The following PRKG1 variants were observed in gnomAD, a reference collection of about 807,000 sequenced individuals.
PRKG1 encodes the protein protein kinase cGMP-dependent 1, also known as cGMP-dependent protein kinase 1.
In PRKG1, 35 loss-of-function variants were observed where a neutral mutation model predicts 88.1. The ratio of observed to expected loss-of-function variants is 0.40; its 90% CI spans 0.30 to 0.53. The LOEUF (loss-of-function observed/expected upper bound fraction) is 0.53, where lower values mean the gene tolerates loss of function less well. PRKG1 is among the 20% of genes least tolerant of loss of function. The pLI is 0.59. For missense variants in PRKG1, 540 were observed against 839.8 expected (o/e 0.64, Z 4.41); for synonymous variants, 303 against 292.5 (o/e 1.04, Z -0.37).
At chr10:51,737,265 T>A (rs1340910155) in intron 3 of PRKG1, among the ~76,000 whole-genome samples, 1 of 152,202 alleles carries the variant, frequency 6.6e-6, no homozygotes. Flanking sequence ...TAGCTACTGC[T>A]TCACATGCCC....
chr10:52,147,106 C>T (rs79494318), intron 8 of PRKG1, among the ~76,000 whole-genome samples: 2,551 of 152,244 alleles, frequency 0.017, 64 homozygotes, highest in African/African-American at 0.057. Context: ...ATAAACAAAT[C>T]TGAGACTTCA....
At chr10:51,165,285 A>G (rs1014635450) in intron 2 of PRKG1, among the ~76,000 whole-genome samples, 7 of 151,962 alleles carry the variant, frequency 4.6e-5, no homozygotes, top group African/African-American at 1.2e-4. Context: ...AGAATTTCAT[A>G]TCCAGCCAAA....
At chr10:52,090,409 A>C (rs893152743) in intron 7 of PRKG1, among the ~76,000 whole-genome samples, 17 of 152,108 alleles carry the variant, frequency 1.1e-4, no homozygotes, top group Non-Finnish European at 2.1e-4. Flanking sequence ...TACAGATACA[A>C]GTAATTTATT....
chr10:52,195,117 T>C (rs1839469562), intron 9 of PRKG1, among the ~76,000 whole-genome samples: 3 of 152,214 alleles, frequency 2.0e-5, no homozygotes, highest in Admixed American at 2.0e-4. Flanking sequence ...AACTAGTGTT[T>C]TTGGCATAAC....
At chr10:51,143,719 C>T (rs76631126) in intron 1 of PRKG1, among the ~76,000 whole-genome samples, 3,560 of 152,074 alleles carry the variant, frequency 0.023, 69 homozygotes, top group Middle Eastern at 0.054. Context: ...CCTGAAGATG[C>T]GTGACACTGA....
rs181328789 is a variant in PRKG1, at chr10:51,081,110, T to C, written c.311+6209T>C. Among the ~76,000 whole-genome samples, 64 of 152,352 alleles carry C rather than the reference T, an allele frequency of 4.2e-4. No individual in the cohort carries two copies. The East Asian group carries it at 9.6e-3, about 23-fold the overall frequency. On this transcript the variant is annotated intron_variant, in intron 1 of 17. Transcript: ENST00000373980. Reference sequence around the variant, plus strand: ...CTTTTTTCATTGCTTATAAAATTCATATAAGCATTCCTTCTGGAGGCTCTA... The same window carrying C: ...CTTTTTTCATTGCTTATAAAATTCACATAAGCATTCCTTCTGGAGGCTCTA...
chr10:51,967,031 AC>A (rs1390547807), intron 5 of PRKG1, among the ~76,000 whole-genome samples: 1 of 152,136 alleles, frequency 6.6e-6, no homozygotes, highest in Non-Finnish European at 1.5e-5. Context: ...AACTAGAAAT[AC>A]CATTTGACCC....
rs956832366 is a variant in PRKG1, at chr10:52,295,571, A to G, written c.*1671A>G. On this transcript the variant is annotated 3_prime_UTR_variant, in exon 18 of 18. Transcript: ENST00000373980. ...TTACATTATACCTGTGAAGAAAAAT[A>G]TAGAAGCTTTCAAGCTGTCATTCTG... The G allele has an allele frequency of 6.6e-6, 1 of 151,996 alleles. No individual in the cohort carries two copies. Among genetic ancestry groups the G allele is most frequent in the African/African-American group, 2.4e-5 (1 of 41,448 alleles). 9.4% of individuals were successfully genotyped at this position (151,996 alleles called of 1,614,324 possible).
chr10:51,701,923 A>G (rs1340432181), intron 3 of PRKG1, among the ~76,000 whole-genome samples: 1 of 152,144 alleles, frequency 6.6e-6, no homozygotes, highest in Non-Finnish European at 1.5e-5. Context: ...GAGAATTTGC[A>G]TTTCTAATAA....
chr10:51,925,228 A>G (rs1320591556), intron 5 of PRKG1, among the ~76,000 whole-genome samples: 1 of 151,568 alleles, frequency 6.6e-6, no homozygotes, highest in Non-Finnish European at 1.5e-5. Context: ...GCAAGAAGTT[A>G]GTCTGTGTTT....
intron 9 of PRKG1, among the ~76,000 whole-genome samples, chr10:52,233,408 T>G (rs1421764717): frequency 6.7e-6 from 1 of 149,958 alleles, no homozygotes. Flanking sequence ...GGTACCGGGT[T>G]CATCTCACTA....
intron 7 of PRKG1, among the ~76,000 whole-genome samples, chr10:52,117,962 A>C (rs1446397600): frequency 6.6e-6 from 1 of 151,894 alleles, no homozygotes; most frequent in Non-Finnish European, 1.5e-5. Context: ...CAAAAAATGT[A>C]TTTTAATCAA....
chr10:51,766,539 A>C (rs764797174), intron 3 of PRKG1, among the ~76,000 whole-genome samples: 2 of 152,040 alleles, frequency 1.3e-5, no homozygotes, highest in Non-Finnish European at 2.9e-5. Context: ...TTAATTTTTC[A>C]GGCTGTTTTT....
chr10:52,289,985 T>C (rs1842203640), intron 16 of PRKG1, among the ~76,000 whole-genome samples: 3 of 152,192 alleles, frequency 2.0e-5, no homozygotes, highest in Admixed American at 2.0e-4. Context: ...TATGACTGAA[T>C]TACAAGGAAT....
At chr10:51,198,128 A>G (rs1837818626) in intron 2 of PRKG1, among the ~76,000 whole-genome samples, 1 of 152,164 alleles carries the variant, frequency 6.6e-6, no homozygotes. Context: ...GCAAGTCAGT[A>G]GTCACAGTTT....
At chr10:51,994,020 A>G (rs1480870225) in intron 5 of PRKG1, among the ~76,000 whole-genome samples, 1 of 152,076 alleles carries the variant, frequency 6.6e-6, no homozygotes, top group Non-Finnish European at 1.5e-5. Context: ...TAATGCACTG[A>G]ACTATGTTCT....
chr10:52,047,973 A>G (rs1410251478), intron 5 of PRKG1, among the ~76,000 whole-genome samples: 1 of 152,144 alleles, frequency 6.6e-6, no homozygotes, highest in Non-Finnish European at 1.5e-5. Context: ...TTTATTAGTC[A>G]TGCTTTAGTT....
chr10:51,063,562 C>T (rs1345997508), intron 1 of PRKG1, among the ~76,000 whole-genome samples: 2 of 152,140 alleles, frequency 1.3e-5, no homozygotes, highest in Non-Finnish European at 2.9e-5. Flanking sequence ...TAGAATCTTA[C>T]AAGACCACTG....
At chr10:51,176,654 G>A (rs1221894272) in intron 2 of PRKG1, among the ~76,000 whole-genome samples, 1 of 152,016 alleles carries the variant, frequency 6.6e-6, no homozygotes, top group Non-Finnish European at 1.5e-5. Context: ...TCAGTGTCAG[G>A]GGAAATTTTT....
Sources: gnomAD v4.1 joint callset for allele counts (sites outside exome capture counted in the v4.1 genomes callset) on GRCh38, gnomAD v4.1.1 for gene constraint, MANE v1.5 for transcripts, NCBI Gene and HGNC (gene_info 2026-07-23, HGNC 2026-07-21) for gene names.